The following HTR1E variants were observed in gnomAD, a reference collection of about 807,000 sequenced individuals.
HTR1E encodes the protein 5-hydroxytryptamine receptor 1E.
Under a neutral mutation model 3.4 loss-of-function variants are expected in HTR1E, and 3 were observed. That is an observed-to-expected ratio of 0.89 (90% confidence interval 0.41 to 2.31). The LOEUF is 2.31. Ranked by LOEUF, HTR1E falls within the 30% of genes most tolerant of loss-of-function variation. The pLI, the probability that HTR1E is intolerant of heterozygous loss-of-function variation, is 0.05. For synonymous variants in HTR1E, 170 were observed against 182.8 expected, an observed-to-expected ratio of 0.93 and a Z score of 0.56; for missense variants, 392 against 467.0, an observed-to-expected ratio of 0.84 and a Z score of 1.48.
chr6:86,961,898 T>C (rs1459683155), intron 1 of HTR1E, among the ~76,000 whole-genome samples: 2 of 152,232 alleles, frequency 1.3e-5, no homozygotes, highest in East Asian at 1.9e-4. Flanking sequence ...CAGAACTTCA[T>C]CTGAGTAATC....
At chr6:86,998,898 T>C (rs149384752) in intron 1 of HTR1E, among the ~76,000 whole-genome samples, 2 of 152,278 alleles carry the variant, frequency 1.3e-5, no homozygotes, top group Non-Finnish European at 2.9e-5. Context: ...CTATAGATAG[T>C]ATAGGCTAAA....
At chr6:87,000,030 C>T (rs989407592) in intron 1 of HTR1E, 6 of 163,816 alleles carry the variant, frequency 3.7e-5, no homozygotes, top group Middle Eastern at 5.2e-4. Flanking sequence ...GCTCATGACA[C>T]GGAAGACATA....
intron 1 of HTR1E, among the ~76,000 whole-genome samples, chr6:86,997,077 T>C (rs1767950571): frequency 6.6e-6 from 1 of 151,964 alleles, no homozygotes; most frequent in Non-Finnish European, 1.5e-5. Context: ...ATTAACAAGC[T>C]ATAGAAGAAA....
chr6:87,009,836 A>AC (rs1247245071), intron 1 of HTR1E, among the ~76,000 whole-genome samples: 2,461 of 36,638 alleles, frequency 0.067, 121 homozygotes, highest in Middle Eastern at 0.12. Flanking sequence ...GGGGGGACTG[A>AC]CCCCCCCCCA....
At chr6:86,995,701 AAAAG>A (rs1223807329) in intron 1 of HTR1E, among the ~76,000 whole-genome samples, 21 of 143,932 alleles carry the variant, frequency 1.5e-4, no homozygotes, top group Admixed American at 1.0e-3. Context: ...AAAAAAAAAA[AAAAG>A]AAAACATGAC....
chr6:86,997,617 A>C (rs1767961892), intron 1 of HTR1E, among the ~76,000 whole-genome samples: 1 of 151,908 alleles, frequency 6.6e-6, no homozygotes, highest in African/African-American at 2.4e-5. Flanking sequence ...TAAAATACTT[A>C]GGTGTAAATC....
chr6:86,941,792 T>C (rs768082444), intron 1 of HTR1E, among the ~76,000 whole-genome samples: 1 of 151,392 alleles, frequency 6.6e-6, no homozygotes, highest in Non-Finnish European at 1.5e-5. Flanking sequence ...TCTAAAACTC[T>C]CAGATCCTCC....
At chr6:86,978,585 G>T (rs1767670207) in intron 1 of HTR1E, among the ~76,000 whole-genome samples, 1 of 152,158 alleles carries the variant, frequency 6.6e-6, no homozygotes, top group Admixed American at 6.5e-5. Flanking sequence ...TGTTATGTGA[G>T]ATAATAAATT....
chr6:87,011,573 A>G (rs1703832660), intron 1 of HTR1E, among the ~76,000 whole-genome samples: 1 of 152,192 alleles, frequency 6.6e-6, no homozygotes, highest in Admixed American at 6.5e-5. Context: ...TGGTAAGGAT[A>G]TTTGTCCCAT....
intron 1 of HTR1E, among the ~76,000 whole-genome samples, chr6:86,990,082 T>TGCCACAAAAGCATGTTGC (rs1483243317): frequency 2.0e-5 from 3 of 152,196 alleles, no homozygotes; most frequent in Non-Finnish European, 4.4e-5. Flanking sequence ...CCCTTGGGTC[T>TGCCACAAAAGCATGTTGC]GCCACAAAAG....
At chr6:86,947,414 C>T (rs1314170084) in intron 1 of HTR1E, among the ~76,000 whole-genome samples, 1 of 152,046 alleles carries the variant, frequency 6.6e-6, no homozygotes, top group Non-Finnish European at 1.5e-5. Flanking sequence ...TTGGCAGATA[C>T]AAAACAAGTA....
intron 1 of HTR1E, among the ~76,000 whole-genome samples, chr6:86,997,626 T>C (rs890675399): frequency 2.6e-5 from 4 of 151,776 alleles, no homozygotes; most frequent in Non-Finnish European, 5.9e-5. Context: ...TAGGTGTAAA[T>C]CTAACATAAC....
intron 1 of HTR1E, among the ~76,000 whole-genome samples, chr6:87,003,843 A>G (rs1167530025): frequency 1.3e-5 from 2 of 152,188 alleles, no homozygotes; most frequent in African/African-American, 4.8e-5. Flanking sequence ...TTTTTTAAAA[A>G]GATTAACAAA....
intron 1 of HTR1E, among the ~76,000 whole-genome samples, chr6:86,983,615 A>G (rs1562067219): frequency 6.6e-6 from 1 of 152,198 alleles, no homozygotes; most frequent in Non-Finnish European, 1.5e-5. Context: ...TAGGGTGACT[A>G]TAGTTAATAA....
chr6:87,010,566 C>T (rs1353525908), intron 1 of HTR1E, among the ~76,000 whole-genome samples: 2 of 142,340 alleles, frequency 1.4e-5, no homozygotes, highest in South Asian at 2.5e-4. Flanking sequence ...CGGGCAGAGA[C>T]GCTCCTCACT....
chr6:87,006,267 G>A (rs1465348443), intron 1 of HTR1E, among the ~76,000 whole-genome samples: 1 of 152,138 alleles, frequency 6.6e-6, no homozygotes, highest in Non-Finnish European at 1.5e-5. Flanking sequence ...ATATTGAAGA[G>A]ACATCTGCAC....
intron 1 of HTR1E, among the ~76,000 whole-genome samples, chr6:86,975,001 C>G (rs934394262): frequency 4.6e-5 from 7 of 152,196 alleles, no homozygotes; most frequent in Admixed American, 1.3e-4. Flanking sequence ...TACAAGGACT[C>G]CTGGTTCCCT....
At position 87,015,962 on chromosome 6, in the gene HTR1E, A is replaced by G; in HGVS notation, c.628A>G (p.Lys210Glu). 6.2e-7 allele frequency: 1 copy of G among 1,614,220 alleles called. No homozygotes were observed. The highest frequency in any genetic ancestry group is 8.5e-7 in the Non-Finnish European group (1 of 1,180,044). Residue 210 changes from lysine (K) to glutamate (E), a missense_variant, in exon 2 of 2, where the codon AAG becomes GAG. Transcript: ENST00000305344. Reference sequence around the variant, plus strand: ...CTATTACCGGATTTACCACGCGGCCAAGAGCCTTTACCAGAAAAGGGGATC... The same window carrying G: ...CTATTACCGGATTTACCACGCGGCCGAGAGCCTTTACCAGAAAAGGGGATC... The part of the protein sequence containing the change: ...ILYYRIYHAA[K>E]SLYQKRGSSR...
intron 1 of HTR1E, among the ~76,000 whole-genome samples, chr6:86,990,025 A>T (rs1767851005): frequency 6.6e-6 from 1 of 152,216 alleles, no homozygotes; most frequent in Non-Finnish European, 1.5e-5. Flanking sequence ...CACTAAGTGG[A>T]AGCCTAGTAG....
Sources: gnomAD v4.1 joint callset for allele counts (sites outside exome capture counted in the v4.1 genomes callset) on GRCh38, gnomAD v4.1.1 for gene constraint, MANE v1.5 for transcripts, NCBI Gene and HGNC (gene_info 2026-07-23, HGNC 2026-07-21) for gene names.